CCDC74A: variants seen among roughly 807,000 people sequenced by gnomAD.
The protein encoded by CCDC74A is coiled-coil domain containing 74A.
CCDC74A carries 38 observed loss-of-function variants against 37.6 expected under a neutral mutation model. That is an observed-to-expected ratio of 1.01 (90% CI 0.78 to 1.33). The LOEUF (loss-of-function observed/expected upper bound fraction) is 1.33. Ranked by LOEUF, CCDC74A falls within the 40% of genes most tolerant of loss-of-function variation. CCDC74A has a pLI of 0.00. For missense variants in CCDC74A, 340 were observed against 403.4 expected (o/e 0.84, Z 1.35); for synonymous variants, 134 against 165.2 (o/e 0.81, Z 1.45).
At position 131,532,670 on chromosome 2, in the gene CCDC74A, G is replaced by A; in HGVS notation, c.567G>A (p.Gly189=). 6.2e-7 allele frequency: 1 copy of A among 1,613,190 alleles called. No homozygotes were observed. The highest frequency in any genetic ancestry group is 8.5e-7 in the Non-Finnish European group (1 of 1,179,564). ...ACCAGGGCAGGCAGATGGGGGCGGGGGCACACCCCCCAATGATCCTGCCCC... is the reference window on the plus strand; with the variant it reads ...ACCAGGGCAGGCAGATGGGGGCGGGAGCACACCCCCCAATGATCCTGCCCC... ...SQHQGRQMGA[G]AHPPMILPLP... is the part of the protein sequence containing the mutation. The change falls in exon 5 of 8, where the codon GGG becomes GGA. Residue 189 remains glycine, a synonymous_variant. Transcript: ENST00000409856.
In CCDC74A at chr2:131,533,070, G is replaced by A. The variant is rs765929541; in HGVS notation, c.809+1G>A. Reference sequence around the variant, plus strand: ...CCACCAAGAGCCTCTCCAAGAAATGGTAAGTCCCACAGGCATGGGGACAGT... The same window carrying A: ...CCACCAAGAGCCTCTCCAAGAAATGATAAGTCCCACAGGCATGGGGACAGT... On this transcript the variant is annotated splice_donor_variant, in intron 7 of 7. Transcript: ENST00000409856. LOFTEE classifies it high-confidence loss of function. 1.9e-6 allele frequency: 3 copies of A among 1,613,818 alleles called. No individual in the cohort carries two copies. The highest frequency in any genetic ancestry group is 2.5e-6 in the Non-Finnish European group (3 of 1,179,850).
chr2:131,529,832 G>GC (rs1370396803), intron 2 of CCDC74A, 141 bp downstream of exon 2: 1 of 1,524,214 alleles, frequency 6.6e-7, no homozygotes, highest in East Asian at 2.3e-5. Flanking sequence ...CTGGACAGAT[G>GC]CCGCTACCTC....
At chr2:131,532,007 C>T (rs1282462723) in intron 4 of CCDC74A, among the ~76,000 whole-genome samples, 2 of 149,950 alleles carry the variant, frequency 1.3e-5, no homozygotes, top group Non-Finnish European at 3.0e-5. Context: ...TTCCTCCCTT[C>T]CCCTGGGGGT....
rs1680506139 is a variant in CCDC74A, at chr2:131,528,214, A to T, written c.244A>T (p.Asn82Tyr). ...HEEIEHLKRE[N>Y]KDLHYKLIMN... The stretch of plus-strand genomic sequence containing the variant: ...GGAGATCGAGCATCTGAAGCGGGAA[A>T]ACAAGGGTGAGCCGGCGCGGGGCCC... Residue 82 changes from asparagine (N) to tyrosine (Y), a missense_variant, in exon 1 of 8, where the codon AAC becomes TAC. Coordinates refer to ENST00000409856, the MANE Select transcript of CCDC74A (RefSeq NM_001258306.3). The T allele has an allele frequency of 1.2e-6, 2 of 1,612,308 alleles. No homozygotes were observed. Among genetic ancestry groups the T allele is most frequent in the Non-Finnish European group, 1.7e-6 (2 of 1,179,458 alleles).
chr2:131,523,807 C>G (rs1680208079), upstream of CCDC74A, among the ~76,000 whole-genome samples: 2 of 152,024 alleles, frequency 1.3e-5, no homozygotes, highest in African/African-American at 2.4e-5. Flanking sequence ...GGCACCCCAC[C>G]CGAAAACCTC....
At chr2:131,527,358 G>T (rs887684333), upstream of CCDC74A, among the ~76,000 whole-genome samples, 2 of 152,040 alleles carry the variant, frequency 1.3e-5, no homozygotes, top group Non-Finnish European at 2.9e-5. Flanking sequence ...CTCGACCTCT[G>T]GGGTTCCAGC....
Position 131,529,644 on chromosome 2 carries a change from C to A in CCDC74A, c.251-3C>A. The A allele has an allele frequency of 6.2e-7, 1 of 1,614,006 alleles. No individual in the cohort carries two copies. Among genetic ancestry groups the A allele is most frequent in the South Asian group, 1.1e-5 (1 of 91,082 alleles). On this transcript the variant is annotated splice_region_variant and splice_polypyrimidine_tract_variant and intron_variant, in intron 1 of 7. Transcript: ENST00000409856. The stretch of plus-strand genomic sequence containing the variant: ...GCTGAGGAGAGCGTGTGCTTGCTTT[C>A]AGATCTCCATTACAAGCTCATAATG...
upstream of CCDC74A, among the ~76,000 whole-genome samples, chr2:131,525,397 T>G (rs548770801): frequency 2.0e-5 from 3 of 152,140 alleles, no homozygotes; most frequent in African/African-American, 7.2e-5. Flanking sequence ...TTTTAGTTCT[T>G]TGTGGAGACA....
At chr2:131,529,521 G>T (rs773710233) in intron 1 of CCDC74A, 126 bp from the exon 2 acceptor site, 1 of 1,263,270 alleles carries the variant, frequency 7.9e-7, no homozygotes, top group Admixed American at 1.7e-5. Context: ...CATGGGGCAG[G>T]GCCCAATCAG....
upstream of CCDC74A, among the ~76,000 whole-genome samples, chr2:131,524,453 G>T (rs113479268): frequency 0.013 from 1,936 of 152,298 alleles, 41 homozygotes; most frequent in African/African-American, 0.045. Context: ...GGTGCAAGCA[G>T]CCATGCATAC....
At chr2:131,526,258 C>A (rs1465667583), upstream of CCDC74A, among the ~76,000 whole-genome samples, 1 of 151,550 alleles carries the variant, frequency 6.6e-6, no homozygotes, top group Non-Finnish European at 1.5e-5. Context: ...GCAATCCTCC[C>A]ACCTTAGCCT....
intron 2 of CCDC74A, chr2:131,530,052 G>A (rs549898151): frequency 2.1e-5 from 32 of 1,550,420 alleles, no homozygotes; most frequent in Non-Finnish European, 2.2e-5. Context: ...CCAGGCCCAG[G>A]ATTTCCAGCC....
At position 131,528,221 on chromosome 2, in the gene CCDC74A, G is replaced by C; in HGVS notation, c.250+1G>C. ...GAGCATCTGAAGCGGGAAAACAAGGGTGAGCCGGCGCGGGGCCCTAGGCCG... is the reference window on the plus strand; with the variant it reads ...GAGCATCTGAAGCGGGAAAACAAGGCTGAGCCGGCGCGGGGCCCTAGGCCG... On this transcript the variant is annotated splice_donor_variant, in intron 1 of 7. Coordinates refer to ENST00000409856, the MANE Select transcript of CCDC74A (RefSeq NM_001258306.3). LOFTEE classifies it high-confidence loss of function. The C allele has an allele frequency of 3.1e-6, 5 of 1,611,786 alleles. No individual in the cohort carries two copies. In the Admixed American group the frequency reaches 6.7e-5, roughly 22 times the overall value.
Position 131,528,070 on chromosome 2 carries a change from T to A in CCDC74A, c.100T>A (p.Leu34Met). Residue 34 changes from leucine (L) to methionine (M), a missense_variant, in exon 1 of 8, where the codon TTG (leucine) becomes ATG (methionine). Leu to Met is a conservative substitution (Grantham distance 15, BLOSUM62 2). This residue lies in a region of CCDC74A where 154 missense variants were observed against 153.9 expected (regional missense o/e 1.00). Transcript: ENST00000409856. ...GCGCCCCTCTGTGGGCGTCCAGTCC[T>A]TGAGGCCGCAGAGCCCGCAGCTCAG... The part of the protein sequence containing the change: ...RQRPSVGVQS[L>M]RPQSPQLRQS... 1.2e-6 allele frequency: 2 copies of A among 1,607,288 alleles called. No individual in the cohort carries two copies. Among genetic ancestry groups the A allele is most frequent in the African/African-American group, 2.7e-5 (2 of 74,888 alleles).
rs1193289483 is a variant in CCDC74A at position 131,531,674 on chromosome 2, G to A, written c.357G>A (p.Arg119=). 15 of 1,533,942 alleles carry A rather than the reference G, an allele frequency of 9.8e-6. No individual in the cohort carries two copies. The highest frequency in any genetic ancestry group is 1.2e-5 in the Non-Finnish European group (14 of 1,154,194). ...CAGCCAACTCTCAAGGCAAGGCCAG[G>A]CCCCAGCCCGGCTCCTTCAACAAGC... ...VKSISNSGKA[R]PQPGSFNKQD... is the part of the protein sequence containing the mutation. The change falls in exon 4 of 8, where the codon AGG becomes AGA. Residue 119 remains arginine, a synonymous_variant. Transcript: ENST00000409856.
rs140675808 is a variant in CCDC74A, at chr2:131,531,334, T to C, written c.347-330T>C. On this transcript the variant is annotated intron_variant, in intron 3 of 7. Transcript: ENST00000409856. ...CCACCATTCCTGTGATGGGCCCAGG[T>C]GCTAGACGGGCCTTGTCCTTGCCGA... is the stretch of plus-strand genomic sequence containing the variant. Among the ~76,000 whole-genome samples the C allele has an allele frequency of 7.5e-3, 1,142 of 152,228 alleles. 11 individuals are homozygous for C. The highest frequency in any genetic ancestry group is 0.025 in the African/African-American group (1,042 of 41,538).
At position 131,529,809 on chromosome 2, in the gene CCDC74A, G is replaced by C. The variant is rs539387343; in HGVS notation, c.295+118G>C. On this transcript the variant is annotated intron_variant, in intron 2 of 7. Transcript: ENST00000409856. ...CCTGTATGCCAACCCAGTGGGTACA[G>C]GTTCTGGGGGACCTGGACAGATGCC... 187 of 1,547,600 alleles carry C rather than the reference G, an allele frequency of 1.2e-4. No homozygotes were observed. In the South Asian group the frequency reaches 2.3e-3, roughly 19 times the overall value.
rs751002723 is a variant in CCDC74A at position 131,533,306 on chromosome 2, G to T, written c.847G>T (p.Ala283Ser). 6.2e-7 allele frequency: 1 copy of T among 1,613,098 alleles called. No homozygotes were observed. Among genetic ancestry groups the T allele is most frequent in the Non-Finnish European group, 8.5e-7 (1 of 1,179,922 alleles). ...TGTGGCGGAGCGTGCCATCCTGCCC[G>T]CACTGAAGCAGACCCCGAAGAACAA... Reference protein sequence around the residue: ...PPVAERAILPALKQTPKNNFA... With the variant: ...PPVAERAILPSLKQTPKNNFA... The change falls in exon 8 of 8, where the codon GCA becomes TCA. Residue 283 changes from alanine to serine, a missense_variant. This residue lies in a region of CCDC74A where 185 missense variants were observed against 231.5 expected (regional missense o/e 0.80). Coordinates refer to ENST00000409856, the MANE Select transcript of CCDC74A (RefSeq NM_001258306.3).
chr2:131,532,421 C>T (rs1250554199), intron 4 of CCDC74A, among the ~76,000 whole-genome samples, 168 bp from the exon 5 acceptor site: 1 of 150,358 alleles, frequency 6.7e-6, no homozygotes, highest in African/African-American at 2.4e-5. Context: ...GGGACAGGCC[C>T]CAGTCCCAGA....
Sources: gnomAD v4.1 joint callset for allele counts (sites outside exome capture counted in the v4.1 genomes callset) on GRCh38, gnomAD v4.1.1 for gene constraint, gnomAD v4.1.1 regional missense constraint, MANE v1.5 for transcripts, NCBI Gene and HGNC (gene_info 2026-07-23, HGNC 2026-07-21) for gene names.